The following MRPL18 variants were observed in gnomAD, a reference collection of about 807,000 sequenced individuals.
MRPL18 encodes mitochondrial ribosomal protein L18, also known as large ribosomal subunit protein uL18m.
MRPL18 carries 16 observed loss-of-function variants against 20.9 expected under a neutral mutation model. The observed-to-expected ratio is 0.76, with a 90% confidence interval of 0.52 to 1.16. The LOEUF is 1.16. Ranked by LOEUF, MRPL18 falls within the 50% of genes most tolerant of loss-of-function variation. The pLI is 0.00. For missense variants in MRPL18, 233 were observed against 230.6 expected (o/e 1.01, Z -0.07); for synonymous variants, 91 against 87.1 (o/e 1.04, Z -0.25).
In MRPL18 at chr6:159,791,058, G is replaced by C. The variant is rs1554270163; in HGVS notation, c.171G>C (p.Glu57Asp). ...EFTNRNPRNLELLSVARKERG... is the reference protein window; with the variant it reads ...EFTNRNPRNLDLLSVARKERG... Reference sequence around the variant, plus strand: ...CCAACCGGAACCCCCGGAACCTGGAGCTTTTATCTGTAGCCAGGAAAGAGC... The same window carrying C: ...CCAACCGGAACCCCCGGAACCTGGACCTTTTATCTGTAGCCAGGAAAGAGC... The change falls in exon 2 of 4, where the codon GAG (glutamate) becomes GAC (aspartate). Residue 57 changes from glutamate to aspartate, a missense_variant. Coordinates refer to ENST00000367034, the MANE Select transcript of MRPL18 (RefSeq NM_014161.5). 7 of 1,614,218 alleles carry C rather than the reference G, an allele frequency of 4.3e-6. No individual in the cohort carries two copies. The highest frequency in any genetic ancestry group is 5.9e-6 in the Non-Finnish European group (7 of 1,180,030).
At chr6:159,793,467 A>G (rs1021710612) in intron 2 of MRPL18, among the ~76,000 whole-genome samples, 1 of 152,090 alleles carries the variant, frequency 6.6e-6, no homozygotes, top group Non-Finnish European at 1.5e-5. Context: ...AGCTGTACCT[A>G]CTCTCATTTG....
chr6:159,790,518 C>T lies in MRPL18; in HGVS notation c.-70C>T. On this transcript the variant is annotated 5_prime_UTR_variant, in exon 1 of 4. Coordinates refer to ENST00000367034, the MANE Select transcript of MRPL18 (RefSeq NM_014161.5). ...AAGGCTTGTCCCTGACTTTATATGG[C>T]TGCTCCTGGCGAGCGACTGAGTCGT... 6.2e-7 allele frequency: 1 copy of T among 1,605,636 alleles called. No individual in the cohort carries two copies. Among genetic ancestry groups the T allele is most frequent in the Non-Finnish European group, 8.5e-7 (1 of 1,172,840 alleles).
At chr6:159,797,980 G>A in intron 3 of MRPL18, 72 bp from the exon 4 acceptor site, 1 of 1,250,442 alleles carries the variant, frequency 8.0e-7, no homozygotes, top group South Asian at 1.3e-5. Flanking sequence ...TCTTTTGGAA[G>A]GTGAAAGTAT....
At chr6:159,794,777 T>C (rs9347347) in intron 2 of MRPL18, among the ~76,000 whole-genome samples, 118,403 of 152,122 alleles carry the variant, frequency 0.78, 46,379 homozygotes, top group South Asian at 0.85. Context: ...GGGTGTTTCT[T>C]GTTAGGTGGA....
Position 159,798,177 on chromosome 6 carries a change from G to A in MRPL18, c.*54G>A, listed in dbSNP as rs1583158500. ...AAATATAAATCTGTCAGCCACTACA[G>A]CCATCAAAAGAGAGCATCTGGAAGA... On this transcript the variant is annotated 3_prime_UTR_variant, in exon 4 of 4. Transcript: ENST00000367034. 9.1e-6 allele frequency: 13 copies of A among 1,429,810 alleles called. No individual in the cohort carries two copies. In the East Asian group the frequency reaches 2.1e-4, roughly 23 times the overall value. The allele number at this position is 1,429,810 out of a possible 1,614,324, so 88.6% of individuals were successfully genotyped here. A position where few individuals can be genotyped will look rare whatever the true frequency, so the allele number is the denominator to read the frequency against.
intron 1 of MRPL18, 88 bp from the exon 2 acceptor site, chr6:159,790,852 G>C: frequency 6.6e-7 from 1 of 1,514,678 alleles, no homozygotes; most frequent in Non-Finnish European, 8.9e-7. Context: ...AAGATTGGGG[G>C]TGTAAAAGCG....
rs747673168 is a variant in MRPL18 at position 159,790,582 on chromosome 6, T to A, written c.-6T>A. On this transcript the variant is annotated 5_prime_UTR_variant, in exon 1 of 4. Coordinates refer to ENST00000367034, the MANE Select transcript of MRPL18 (RefSeq NM_014161.5). ...GAGGCGAGGCTTTTCCGAGATCGTC[T>A]CAGCGATGGCGCTTCGGTCGCGGTT... 1.2e-6 allele frequency: 2 copies of A among 1,609,630 alleles called. No homozygotes were observed. The highest frequency in any genetic ancestry group is 2.2e-5 in the South Asian group (2 of 90,696).
In MRPL18 at chr6:159,798,191, G is replaced by A; in HGVS notation, c.*68G>A. On this transcript the variant is annotated 3_prime_UTR_variant, in exon 4 of 4. Transcript: ENST00000367034. ...CAGCCACTACAGCCATCAAAAGAGA[G>A]CATCTGGAAGAACAGCCAGCTTGGA... 3.8e-6 allele frequency: 5 copies of A among 1,312,518 alleles called. No homozygotes were observed. Among genetic ancestry groups the A allele is most frequent in the Non-Finnish European group, 5.4e-6 (5 of 927,990 alleles). 81.3% of individuals were successfully genotyped at this position (1,312,518 alleles called of 1,614,324 possible).
chr6:159,791,723 G>A (rs1205943584), intron 2 of MRPL18, among the ~76,000 whole-genome samples: 1 of 152,110 alleles, frequency 6.6e-6, no homozygotes, highest in Non-Finnish European at 1.5e-5. Flanking sequence ...TGGCCAACAT[G>A]GTGAAACCCC....
At chr6:159,791,184 C>T (rs181585169) in intron 2 of MRPL18, 58 bp downstream of exon 2, 188 of 1,579,444 alleles carry the variant, frequency 1.2e-4, no homozygotes, top group Admixed American at 6.2e-4. Context: ...TATTTTCATT[C>T]ATTCAACTCC....
chr6:159,797,554 T>G (rs774071220), intron 3 of MRPL18, 36 bp downstream of exon 3: 3 of 1,586,968 alleles, frequency 1.9e-6, no homozygotes, highest in African/African-American at 1.3e-5. Flanking sequence ...GAAAAGGTAT[T>G]GTGTTAATTC....
upstream of MRPL18, chr6:159,789,839 A>C (rs149818721): frequency 2.1e-3 from 690 of 321,712 alleles, 4 homozygotes; most frequent in Non-Finnish European, 3.1e-3. Flanking sequence ...CCTTCGCCTC[A>C]AACGATGTTG....
intron 2 of MRPL18, among the ~76,000 whole-genome samples, chr6:159,795,543 G>A (rs796070181): frequency 1.2e-4 from 19 of 152,152 alleles, no homozygotes; most frequent in Non-Finnish European, 2.1e-4. Flanking sequence ...GACACAGCAC[G>A]TATTTCAGAG....
rs780990686 is a variant in MRPL18 at position 159,797,507 on chromosome 6, G to C, written c.460G>C (p.Ala154Pro). 5 of 1,613,678 alleles carry C rather than the reference G, an allele frequency of 3.1e-6. No homozygotes were observed. In the African/African-American group the frequency reaches 6.7e-5, roughly 22 times the overall value. ...CTACCAACCAACCCCGTGGGAGGCA[G>C]CCTCAGACTCGGTATTTTTGTTTTC... ...MVYQPTPWEA[A>P]SDSMKRLQSA... Residue 154 changes from alanine to proline, a missense_variant, in exon 3 of 4, where the codon GCC (alanine) becomes CCC (proline). Coordinates refer to ENST00000367034, the MANE Select transcript of MRPL18 (RefSeq NM_014161.5).
intron 1 of MRPL18, 88 bp downstream of exon 1, chr6:159,790,727 G>C (rs1780857969): frequency 6.4e-7 from 1 of 1,553,062 alleles, no homozygotes; most frequent in Admixed American, 1.8e-5. Context: ...TGTATTCGAC[G>C]TGCCGGATCG....
chr6:159,792,621 A>G (rs1434343937), intron 2 of MRPL18, among the ~76,000 whole-genome samples: 3 of 152,128 alleles, frequency 2.0e-5, no homozygotes, highest in Non-Finnish European at 4.4e-5. Flanking sequence ...CTTTTGAAAC[A>G]CCCAACCTAT....
At chr6:159,797,605 T>A in intron 3 of MRPL18, 87 bp downstream of exon 3, 1 of 1,245,896 alleles carries the variant, frequency 8.0e-7, no homozygotes, top group Non-Finnish European at 1.1e-6. Context: ...AGTTTTTACT[T>A]ACCAAATACT....
intron 1 of MRPL18, 86 bp from the exon 2 acceptor site, chr6:159,790,854 G>A: frequency 6.5e-7 from 1 of 1,527,202 alleles, no homozygotes; most frequent in Admixed American, 1.9e-5. Flanking sequence ...GATTGGGGGT[G>A]TAAAAGCGGA....
In MRPL18 at chr6:159,796,819, C is replaced by T. The variant is rs1024450013; in HGVS notation, c.240-468C>T. On this transcript the variant is annotated intron_variant, in intron 2 of 3. Coordinates refer to ENST00000367034, the MANE Select transcript of MRPL18 (RefSeq NM_014161.5). ...AAAGCCATATGACATGGTTTGATGTCATATTTAAATATGCATACCTTGAGA... is the reference window on the plus strand; with the variant it reads ...AAAGCCATATGACATGGTTTGATGTTATATTTAAATATGCATACCTTGAGA... 2.6e-5 allele frequency among the ~76,000 whole-genome samples: 4 copies of T among 152,210 alleles called. No homozygotes were observed. The East Asian group carries it at 7.7e-4, about 29-fold the overall frequency.
Sources: gnomAD v4.1 joint callset for allele counts (sites outside exome capture counted in the v4.1 genomes callset) on GRCh38, gnomAD v4.1.1 for gene constraint, MANE v1.5 for transcripts, NCBI Gene and HGNC (gene_info 2026-07-23, HGNC 2026-07-21) for gene names.